DCD: variants seen among roughly 807,000 people sequenced by gnomAD.
DCD encodes diffusible survival/evasion peptide.
Under a neutral mutation model 14.5 loss-of-function variants are expected in DCD, and 17 were observed. That is an observed-to-expected ratio of 1.18 (90% confidence interval 0.81 to 1.76). The LOEUF is 1.76. DCD is among the 40% of genes most tolerant of loss of function. The pLI is 0.00. For synonymous variants in DCD, 64 were observed against 54.0 expected, an observed-to-expected ratio of 1.19 and a Z score of -0.82; for missense variants, 139 against 133.4, an observed-to-expected ratio of 1.04 and a Z score of -0.21.
intron 4 of DCD, 73 bp downstream of exon 4, chr12:54,645,100 G>T: frequency 6.5e-7 from 1 of 1,535,546 alleles, no homozygotes; most frequent in Non-Finnish European, 9.0e-7. Flanking sequence ...GGGGGGCTGT[G>T]GCAGTTTCAG....
Position 54,645,631 on chromosome 12 carries a change from T to C in DCD, c.174A>G (p.Pro58=). ...CCAGAAGGCTGGATCTCTGCTTCCTTGGCTTTGGTGCCTGTCTGGCTAACC... is the reference window on the plus strand; with the variant it reads ...CCAGAAGGCTGGATCTCTGCTTCCTCGGCTTTGGTGCCTGTCTGGCTAACC... The part of the protein sequence containing the change: ...DPGLARQAPK[P]RKQRSSLLEK... Residue 58 remains proline, a synonymous_variant, in exon 3 of 5, where the codon CCA becomes CCG. Coordinates refer to ENST00000293371, the MANE Select transcript of DCD (RefSeq NM_053283.4). 1.2e-6 allele frequency: 2 copies of C among 1,614,156 alleles called. No homozygotes were observed. Among genetic ancestry groups the C allele is most frequent in the Non-Finnish European group, 1.7e-6 (2 of 1,179,994 alleles).
chr12:54,647,442 A>G (rs138328093), intron 1 of DCD, among the ~76,000 whole-genome samples: 68 of 152,374 alleles, frequency 4.5e-4, no homozygotes, highest in African/African-American at 1.5e-3. Context: ...TCCAAGTTTC[A>G]TAATGAAAGT....
chr12:54,648,108 AC>A, intron 1 of DCD, 137 bp downstream of exon 1: 2 of 897,550 alleles, frequency 2.2e-6, no homozygotes, highest in Non-Finnish European at 3.5e-6. Flanking sequence ...TGTGTGGAGA[AC>A]CTAGTGGGAG....
intron 2 of DCD, chr12:54,646,251 G>T (rs1958260149): frequency 2.3e-6 from 1 of 427,456 alleles, no homozygotes; most frequent in Admixed American, 2.5e-5. Flanking sequence ...CTTTATGTGA[G>T]AAGGCAGGGA....
intron 2 of DCD, 117 bp from the exon 3 acceptor site, chr12:54,645,824 C>G (rs937258271): frequency 1.3e-6 from 1 of 754,364 alleles, no homozygotes; most frequent in African/African-American, 1.7e-5. Context: ...TCCCTCTCTC[C>G]CAATTCCTCT....
intron 2 of DCD, chr12:54,645,949 A>C (rs1332735114): frequency 1.8e-6 from 1 of 542,410 alleles, no homozygotes; most frequent in Non-Finnish European, 3.5e-6. Context: ...ATTATGGTTC[A>C]GGGAAAAGTA....
At chr12:54,645,115 C>T (rs1468344078) in intron 4 of DCD, 58 bp downstream of exon 4, 1 of 1,578,610 alleles carries the variant, frequency 6.3e-7, no homozygotes, top group Non-Finnish European at 8.7e-7. Flanking sequence ...TTTCAGATCT[C>T]ATGCAAGGGG....
chr12:54,645,790 C>G, intron 2 of DCD, 83 bp from the exon 3 acceptor site: 1 of 1,171,594 alleles, frequency 8.5e-7, no homozygotes, highest in Non-Finnish European at 1.3e-6. Flanking sequence ...CTTTTACCCC[C>G]TCAAGGTCTG....
rs781161982 is a variant in DCD at position 54,645,198 on chromosome 12, G to A, written c.264C>T (p.Val88=). 16 of 1,614,002 alleles carry A rather than the reference G, an allele frequency of 9.9e-6. No individual in the cohort carries two copies. Among genetic ancestry groups the A allele is most frequent in the South Asian group, 4.4e-5 (4 of 91,074 alleles). The change falls in exon 4 of 5, where the codon GTC becomes GTT. Residue 88 remains valine (V), a synonymous_variant. Transcript: ENST00000293371. ...GGLGKLGKDA[V]EDLESVGKGA... is the part of the protein sequence containing the mutation. ...CTTTACCCACGCTTTCTAGATCTTC[G>A]ACTGCATCTTTTCCTAGTTTTCCGA...
intron 1 of DCD, among the ~76,000 whole-genome samples, chr12:54,647,667 G>A (rs991928362): frequency 1.3e-5 from 2 of 152,180 alleles, no homozygotes; most frequent in Admixed American, 6.5e-5. Flanking sequence ...GTAATTGCTC[G>A]GGGAAGCTGA....
chr12:54,646,391 A>T (rs1486618826), intron 2 of DCD, among the ~76,000 whole-genome samples: 1 of 151,986 alleles, frequency 6.6e-6, no homozygotes, highest in Admixed American at 6.6e-5. Flanking sequence ...TGAGAATTAG[A>T]TCTCTCTCTC....
intron 2 of DCD, 105 bp from the exon 3 acceptor site, chr12:54,645,812 G>T: frequency 1.2e-6 from 1 of 838,474 alleles, no homozygotes; most frequent in Non-Finnish European, 2.0e-6. Flanking sequence ...CTTGAGGATA[G>T]CTCCCTCTCT....
At chr12:54,645,869 G>A in intron 2 of DCD, 162 bp from the exon 3 acceptor site, 1 of 626,204 alleles carries the variant, frequency 1.6e-6, no homozygotes, top group South Asian at 1.9e-5. Context: ...AGGTTCTTTA[G>A]CATCCCTCAA....
Position 54,645,228 on chromosome 12 carries a change from C to T in DCD, c.234G>A (p.Gly78=), listed in dbSNP as rs920951498. 6.2e-7 allele frequency: 1 copy of T among 1,613,952 alleles called. No homozygotes were observed. Among genetic ancestry groups the T allele is most frequent in the African/African-American group, 1.3e-5 (1 of 74,874 alleles). Residue 78 remains glycine, a synonymous_variant, in exon 4 of 5, where the codon GGG becomes GGA. Coordinates refer to ENST00000293371, the MANE Select transcript of DCD (RefSeq NM_053283.4). ...KGLDGAKKAV[G]GLGKLGKDAV... is the part of the protein sequence containing the mutation. ...CATCTTTTCCTAGTTTTCCGAGTCC[C>T]CCCACAGCTTTTTTTGCTCCGTCTA...
At chr12:54,646,988 T>C in intron 2 of DCD, 133 bp downstream of exon 2, 1 of 798,696 alleles carries the variant, frequency 1.3e-6, no homozygotes, top group South Asian at 1.9e-5. Context: ...CCCTTCTCCA[T>C]GTCTCCTAAA....
chr12:54,645,771 C>G (rs985510245), intron 2 of DCD, 64 bp from the exon 3 acceptor site: 5 of 1,430,986 alleles, frequency 3.5e-6, no homozygotes, highest in Non-Finnish European at 4.9e-6. Flanking sequence ...GGTCGGGGAG[C>G]AGGTGGTGCT....
intron 4 of DCD, 95 bp downstream of exon 4, chr12:54,645,078 G>A: frequency 1.3e-6 from 2 of 1,494,202 alleles, no homozygotes; most frequent in African/African-American, 1.4e-5. Flanking sequence ...ACAAAGTGAG[G>A]GGTCTTCAAT....
intron 2 of DCD, among the ~76,000 whole-genome samples, chr12:54,646,782 G>A (rs1352477597): frequency 6.6e-6 from 1 of 152,190 alleles, no homozygotes; most frequent in Non-Finnish European, 1.5e-5. Context: ...CACGTGAAAG[G>A]TTTTTGAATT....
intron 2 of DCD, among the ~76,000 whole-genome samples, 184 bp downstream of exon 2, chr12:54,646,937 T>A (rs1285182705): frequency 6.6e-6 from 1 of 152,164 alleles, no homozygotes; most frequent in South Asian, 2.1e-4. Context: ...CTTTCCCCCA[T>A]GCTCTGTCCT....
Sources: gnomAD v4.1 joint callset for allele counts (sites outside exome capture counted in the v4.1 genomes callset) on GRCh38, gnomAD v4.1.1 for gene constraint, MANE v1.5 for transcripts, NCBI Gene and HGNC (gene_info 2026-07-23, HGNC 2026-07-21) for gene names.